The following LINGO2 variants were observed in gnomAD, a reference collection of about 807,000 sequenced individuals.
The protein encoded by LINGO2 is leucine-rich repeat and immunoglobulin-like domain-containing nogo receptor-interacting protein 2.
A neutral mutation model predicts 30.6 loss-of-function variants in LINGO2; 14 were observed. The ratio of observed to expected loss-of-function variants is 0.46; its 90% confidence interval spans 0.30 to 0.72. LINGO2 has a LOEUF of 0.72. Ranked by LOEUF, LINGO2 falls within the 30% of genes least tolerant of loss-of-function variation. The pLI is 0.07. For missense variants in LINGO2, 729 were observed against 751.7 expected (o/e 0.97, Z 0.35); for synonymous variants, 317 against 288.5 (o/e 1.10, Z -1.00).
chr9:28,151,865 A>G (rs1828009905), intron 4 of LINGO2, among the ~76,000 whole-genome samples: 1 of 152,162 alleles, frequency 6.6e-6, no homozygotes, highest in African/African-American at 2.4e-5. Flanking sequence ...GAATAGATGG[A>G]TATTTTCAAT....
chr9:28,581,465 A>G (rs953738240), intron 1 of LINGO2, among the ~76,000 whole-genome samples: 14 of 151,612 alleles, frequency 9.2e-5, no homozygotes, highest in Non-Finnish European at 1.9e-4. Flanking sequence ...TAAAAAGGAA[A>G]ATCCAAAGGT....
intron 1 of LINGO2, among the ~76,000 whole-genome samples, chr9:28,517,693 G>T (rs1226153138): frequency 6.6e-6 from 1 of 152,170 alleles, no homozygotes; most frequent in Non-Finnish European, 1.5e-5. Context: ...CAGAAATTCA[G>T]GAATCCTTAA....
Position 28,201,835 on chromosome 9 carries a change from T to G in LINGO2, c.-87+93373A>C, listed in dbSNP as rs140784520. On this transcript the variant is annotated intron_variant, in intron 4 of 5. Coordinates refer to ENST00000379992, the Ensembl canonical transcript of LINGO2. ...CCCTTCCTCCTCCCCCTATTTAAAT[T>G]CCTCTACAACCTTCATAAGAGAACT... Among the ~76,000 whole-genome samples, 426 of 151,934 alleles carry G rather than the reference T, an allele frequency of 2.8e-3. 4 individuals carry two copies. The highest frequency in any genetic ancestry group is 9.9e-3 in the African/African-American group (412 of 41,428).
At chr9:28,041,389 CT>C (rs1456841103) in intron 4 of LINGO2, among the ~76,000 whole-genome samples, 1 of 152,118 alleles carries the variant, frequency 6.6e-6, no homozygotes. Context: ...GCTTGGAACT[CT>C]TTACCTGTGT....
chr9:29,212,224 C>G, the LINGO2 span, among the ~76,000 whole-genome samples: 626 of 152,062 alleles, frequency 4.1e-3, 17 homozygotes, highest in East Asian at 0.069. Flanking sequence ...GGAAGCGCGC[C>G]GGGACTGCCG....
chr9:27,940,553 TAAGAA>T, the LINGO2 span: 1 of 152,150 alleles, frequency 6.6e-6, no homozygotes, highest in Non-Finnish European at 1.5e-5. Flanking sequence ...ATGAAGTAAT[TAAGAA>T]AAGAATATAG....
At chr9:28,446,546 A>C (rs1319279442) in intron 2 of LINGO2, among the ~76,000 whole-genome samples, 1 of 152,178 alleles carries the variant, frequency 6.6e-6, no homozygotes, top group African/African-American at 2.4e-5. Flanking sequence ...CATTCAATCA[A>C]TTACTAAGTC....
At chr9:28,226,770 C>T (rs1253495585) in intron 4 of LINGO2, among the ~76,000 whole-genome samples, 1 of 152,014 alleles carries the variant, frequency 6.6e-6, no homozygotes, top group Non-Finnish European at 1.5e-5. Context: ...GGATCCATCC[C>T]TTGGATGCAT....
chr9:28,282,990 C>T (rs777352359), intron 4 of LINGO2, among the ~76,000 whole-genome samples: 1 of 152,126 alleles, frequency 6.6e-6, no homozygotes, highest in Non-Finnish European at 1.5e-5. Flanking sequence ...TCAGTCCATA[C>T]TCAGGAACAG....
chr9:28,260,465 T>C (rs1377980164), intron 4 of LINGO2, among the ~76,000 whole-genome samples: 2 of 151,880 alleles, frequency 1.3e-5, no homozygotes, highest in Non-Finnish European at 2.9e-5. Context: ...AGATCCACTT[T>C]AAGAACAGTG....
the LINGO2 span, among the ~76,000 whole-genome samples, chr9:28,715,840 C>A: frequency 0.29 from 43,675 of 151,844 alleles, 6,568 homozygotes; most frequent in Admixed American, 0.42. Context: ...TGGCTTTAAT[C>A]TACACAAATG....
chr9:29,103,526 T>C, the LINGO2 span, among the ~76,000 whole-genome samples: 3 of 152,078 alleles, frequency 2.0e-5, no homozygotes, highest in Admixed American at 6.5e-5. Flanking sequence ...TGCTAATAAG[T>C]TTATAATATT....
intron 2 of LINGO2, among the ~76,000 whole-genome samples, chr9:28,375,424 C>A (rs1281378806): frequency 6.7e-6 from 1 of 148,190 alleles, no homozygotes; most frequent in Non-Finnish European, 1.5e-5. Context: ...GCCTGCAGGG[C>A]CTTGTTTAGC....
At chr9:28,156,361 T>G (rs1040125862) in intron 4 of LINGO2, among the ~76,000 whole-genome samples, 8 of 152,168 alleles carry the variant, frequency 5.3e-5, no homozygotes, top group African/African-American at 1.9e-4. Context: ...GTAGATCCAA[T>G]TAGAATTGTT....
chr9:28,978,435 T>G, the LINGO2 span, among the ~76,000 whole-genome samples: 1 of 152,132 alleles, frequency 6.6e-6, no homozygotes, highest in South Asian at 2.1e-4. Flanking sequence ...TCCTACATCT[T>G]CTTTCCAGTC....
chr9:28,872,963 A>G, the LINGO2 span, among the ~76,000 whole-genome samples: 1 of 152,182 alleles, frequency 6.6e-6, no homozygotes, highest in Non-Finnish European at 1.5e-5. Flanking sequence ...GCAATGACAA[A>G]GAAAATAAAT....
intron 5 of LINGO2, among the ~76,000 whole-genome samples, chr9:27,973,120 T>G (rs1263681713): frequency 6.6e-6 from 1 of 152,166 alleles, no homozygotes; most frequent in African/African-American, 2.4e-5. Flanking sequence ...ATGGTAGGAC[T>G]TCTTGGCCTT....
the LINGO2 span, among the ~76,000 whole-genome samples, chr9:28,779,531 T>C: frequency 1.3e-5 from 2 of 152,162 alleles, no homozygotes; most frequent in Non-Finnish European, 2.9e-5. Context: ...AAAGGATGGC[T>C]CACTGATTAT....
the LINGO2 span, among the ~76,000 whole-genome samples, chr9:29,026,989 T>C: frequency 1.3e-5 from 2 of 152,274 alleles, no homozygotes; most frequent in South Asian, 2.1e-4. Context: ...AAGAATGATA[T>C]GTTTCAAGGA....
Sources: allele counts gnomAD v4.1 joint callset (sites outside exome capture counted in the v4.1 genomes callset), GRCh38; gene constraint gnomAD v4.1.1; transcripts MANE v1.5; gene names NCBI Gene and HGNC (gene_info 2026-07-23, HGNC 2026-07-21).